Variants in FOXK2 observed in about 807,000 individuals in gnomAD.
FOXK2 encodes forkhead box protein K2.
In FOXK2, 24 loss-of-function variants were observed where a neutral mutation model predicts 53.3. That is an observed-to-expected ratio of 0.45 (90% CI 0.33 to 0.63). FOXK2 has a LOEUF of 0.63. FOXK2 is among the 30% of genes least tolerant of loss of function. The pLI is 0.03. For missense variants in FOXK2, 952 were observed against 910.5 expected, an observed-to-expected ratio of 1.05 and a Z score of -0.59; for synonymous variants, 505 against 407.1, an observed-to-expected ratio of 1.24 and a Z score of -2.89.
chr17:82,531,841 C>G (rs532677188), intron 1 of FOXK2, among the ~76,000 whole-genome samples: 1 of 152,174 alleles, frequency 6.6e-6, no homozygotes, highest in East Asian at 1.9e-4. Context: ...GACATTTAGG[C>G]TATACTTTAT....
At chr17:82,583,270 C>A (rs1248711577) in intron 5 of FOXK2, among the ~76,000 whole-genome samples, 1 of 152,222 alleles carries the variant, frequency 6.6e-6, no homozygotes, top group Non-Finnish European at 1.5e-5. Flanking sequence ...TTAGGCCGGG[C>A]GCTGTGGCTC....
At chr17:82,559,891 C>T (rs1019254169) in intron 1 of FOXK2, among the ~76,000 whole-genome samples, 4 of 151,664 alleles carry the variant, frequency 2.6e-5, no homozygotes, top group Admixed American at 1.3e-4. Context: ...GATTAAGTGC[C>T]GGTTTTCTTC....
At chr17:82,583,872 A>G (rs759226071) in intron 5 of FOXK2, 141 bp from the exon 6 acceptor site, 28 of 830,632 alleles carry the variant, frequency 3.4e-5, no homozygotes, top group Non-Finnish European at 4.9e-5. Flanking sequence ...GTAGGCGTGC[A>G]GAGACGTAGA....
intron 1 of FOXK2, among the ~76,000 whole-genome samples, chr17:82,534,175 G>C (rs1443559409): frequency 6.6e-6 from 1 of 152,128 alleles, no homozygotes; most frequent in Non-Finnish European, 1.5e-5. Context: ...GACCCTCGGA[G>C]GTTGAGGCTG....
chr17:82,588,288 TCTC>T (rs1456794151), intron 8 of FOXK2: 1 of 153,084 alleles, frequency 6.5e-6, no homozygotes, highest in African/African-American at 2.4e-5. Flanking sequence ...AAGCCCTGTG[TCTC>T]CTCCTTCTCT....
intron 1 of FOXK2, among the ~76,000 whole-genome samples, chr17:82,526,278 T>TAAGAAGGAG (rs1337217665): frequency 1.3e-5 from 2 of 151,650 alleles, no homozygotes; most frequent in Admixed American, 6.6e-5. Flanking sequence ...AAAGAAGAAG[T>TAAGAAGGAG]AAGAAGGAGG....
At chr17:82,580,332 C>T (rs1360065259) in intron 4 of FOXK2, among the ~76,000 whole-genome samples, 1 of 94,642 alleles carries the variant, frequency 1.1e-5, no homozygotes, top group African/African-American at 4.5e-5. Context: ...ATCCACAGGG[C>T]CCAGATCCCT....
intron 8 of FOXK2, among the ~76,000 whole-genome samples, chr17:82,589,457 A>G (rs1033920272): frequency 1.3e-5 from 2 of 152,272 alleles, no homozygotes; most frequent in South Asian, 4.1e-4. Flanking sequence ...ACCCAAAAAT[A>G]TAACAAATTC....
rs545405797 is a variant in FOXK2, at chr17:82,602,590, A to C, written c.*1091A>C. On this transcript the variant is annotated 3_prime_UTR_variant, in exon 9 of 9. Coordinates refer to ENST00000335255, the MANE Select transcript of FOXK2 (RefSeq NM_004514.4). ...CGGTGAGCGGCCGCCATGGTGGAGCAGGGTCCGAGCCACGTCCTGCAGGGC... is the reference window on the plus strand; with the variant it reads ...CGGTGAGCGGCCGCCATGGTGGAGCCGGGTCCGAGCCACGTCCTGCAGGGC... 2 of 152,430 alleles carry C rather than the reference A, an allele frequency of 1.3e-5. No individual in the cohort carries two copies. The highest frequency in any genetic ancestry group is 6.5e-5 in the Admixed American group (1 of 15,312). 9.4% of individuals were successfully genotyped at this position (152,430 alleles called of 1,614,324 possible). A position where few individuals can be genotyped will look rare whatever the true frequency, so the allele number is the denominator to read the frequency against.
At chr17:82,551,334 AAAAAAT>A (rs2044675623) in intron 1 of FOXK2, among the ~76,000 whole-genome samples, 1 of 151,708 alleles carries the variant, frequency 6.6e-6, no homozygotes, top group Non-Finnish European at 1.5e-5. Context: ...AAAATTAAAA[AAAAAAT>A]AAAAATAAAC....
intron 1 of FOXK2, among the ~76,000 whole-genome samples, 167 bp downstream of exon 1, chr17:82,520,474 C>T (rs1373522713): frequency 6.6e-6 from 1 of 152,168 alleles, no homozygotes; most frequent in Non-Finnish European, 1.5e-5. Context: ...CAACCCTCGA[C>T]AGCCCCTGGC....
At chr17:82,538,129 A>T (rs1211777163) in intron 1 of FOXK2, among the ~76,000 whole-genome samples, 2 of 152,074 alleles carry the variant, frequency 1.3e-5, no homozygotes, top group Non-Finnish European at 2.9e-5. Context: ...AGGCTGAGAC[A>T]GGAGAATCGT....
rs1324651874 is a variant in FOXK2 at position 82,586,161 on chromosome 17, G to A, written c.1537G>A (p.Ala513Thr). Reference protein sequence around the residue: ...TPAAVLAPPKAEAQENGDHRE... With the variant: ...TPAAVLAPPKTEAQENGDHRE... The stretch of plus-strand genomic sequence containing the variant: ...GGCAGCCGTGCTGGCCCCTCCTAAG[G>A]CAGAGGCCCAGGAGAATGGAGACCA... Residue 513 changes from alanine to threonine, a missense_variant, in exon 7 of 9, where the codon GCA (alanine) becomes ACA (threonine). Physicochemically the swap from Ala to Thr is moderately conservative, Grantham distance 58. Coordinates refer to ENST00000335255, the MANE Select transcript of FOXK2 (RefSeq NM_004514.4). 2 of 1,612,416 alleles carry A rather than the reference G, an allele frequency of 1.2e-6. No individual in the cohort carries two copies. The highest frequency in any genetic ancestry group is 1.1e-5 in the South Asian group (1 of 91,048).
At chr17:82,562,937 C>T (rs142507840) in intron 1 of FOXK2, among the ~76,000 whole-genome samples, 3 of 151,918 alleles carry the variant, frequency 2.0e-5, no homozygotes, top group Non-Finnish European at 4.4e-5. Context: ...TCCTGAGTAT[C>T]TGGGACCACA....
intron 8 of FOXK2, among the ~76,000 whole-genome samples, chr17:82,589,067 A>C (rs539000155): frequency 2.6e-4 from 40 of 152,320 alleles, no homozygotes; most frequent in Middle Eastern, 6.8e-3. Context: ...CAACAAAAAA[A>C]GAAAAACGGT....
chr17:82,598,360 G>A (rs4789808), intron 8 of FOXK2, among the ~76,000 whole-genome samples: 119,710 of 152,144 alleles, frequency 0.79, 47,564 homozygotes, highest in Middle Eastern at 0.9. Flanking sequence ...CTCTCTTGGG[G>A]TTGCAGGCGT....
At chr17:82,600,427 C>T (rs1287713164) in intron 8 of FOXK2, 3 of 152,270 alleles carry the variant, frequency 2.0e-5, no homozygotes, top group Non-Finnish European at 4.4e-5. Flanking sequence ...AGAGTGCTCC[C>T]CTCAGAGGAC....
chr17:82,588,568 C>T (rs1038797784), intron 8 of FOXK2, among the ~76,000 whole-genome samples: 3 of 152,046 alleles, frequency 2.0e-5, no homozygotes, highest in African/African-American at 4.8e-5. Context: ...TTCCCAGATT[C>T]GATATGTGTC....
At chr17:82,595,644 T>C (rs778715809) in intron 8 of FOXK2, 10 of 563,552 alleles carry the variant, frequency 1.8e-5, no homozygotes, top group Non-Finnish European at 2.7e-5. Flanking sequence ...GTGCTATACA[T>C]GTGGTCACGG....
Sources: gnomAD v4.1 joint callset for allele counts (sites outside exome capture counted in the v4.1 genomes callset) on GRCh38, gnomAD v4.1.1 for gene constraint, MANE v1.5 for transcripts, NCBI Gene and HGNC (gene_info 2026-07-23, HGNC 2026-07-21) for gene names.